SIPA1L2: variants seen among roughly 807,000 people sequenced by gnomAD.
SIPA1L2 encodes signal induced proliferation associated 1 like 2.
A neutral mutation model predicts 163.9 loss-of-function variants in SIPA1L2; 56 were observed. The observed-to-expected ratio is 0.34, with a 90% CI of 0.28 to 0.43. The LOEUF is 0.43. Among genes scored for constraint, SIPA1L2 ranks in the 20% least tolerant of loss-of-function variants. The pLI is 1.00. For missense variants in SIPA1L2, 1,974 were observed against 2,193.5 expected (o/e 0.90, Z 2.00); for synonymous variants, 877 against 865.7 (o/e 1.01, Z -0.23).
intron 3 of SIPA1L2, among the ~76,000 whole-genome samples, chr1:232,505,622 A>G (rs1666692043): frequency 2.0e-5 from 3 of 152,068 alleles, no homozygotes. Context: ...CAGATACGGC[A>G]CCTCTGCAAG....
At chr1:232,494,991 T>C (rs1450886537) in intron 3 of SIPA1L2, among the ~76,000 whole-genome samples, 1 of 152,112 alleles carries the variant, frequency 6.6e-6, no homozygotes, top group Non-Finnish European at 1.5e-5. Context: ...AACCTATAGG[T>C]ATTCCAAAGG....
At chr1:232,622,589 G>A (rs1355082124) in intron 1 of SIPA1L2, among the ~76,000 whole-genome samples, 1 of 152,338 alleles carries the variant, frequency 6.6e-6, no homozygotes, top group Middle Eastern at 3.4e-3. Context: ...TGGGAAAGGT[G>A]TGAATCATAC....
chr1:232,625,114 A>G (rs1279416163), intron 1 of SIPA1L2, among the ~76,000 whole-genome samples: 1 of 152,104 alleles, frequency 6.6e-6, no homozygotes, highest in African/African-American at 2.4e-5. Flanking sequence ...TAGAACCAGC[A>G]AAGGAGGTTT....
chr1:232,566,998 C>G (rs1466925605), intron 2 of SIPA1L2, among the ~76,000 whole-genome samples: 3 of 152,162 alleles, frequency 2.0e-5, no homozygotes, highest in Non-Finnish European at 4.4e-5. Flanking sequence ...TAACTGCCTA[C>G]AGAAGCAAAA....
At chr1:232,586,210 A>G (rs1573127503) in intron 1 of SIPA1L2, among the ~76,000 whole-genome samples, 1 of 152,138 alleles carries the variant, frequency 6.6e-6, no homozygotes, top group Non-Finnish European at 1.5e-5. Context: ...CTGTACTCTG[A>G]TATTTTCTCA....
intron 10 of SIPA1L2, among the ~76,000 whole-genome samples, chr1:232,449,091 C>T (rs1438584180): frequency 1.3e-5 from 2 of 151,968 alleles, no homozygotes; most frequent in Non-Finnish European, 2.9e-5. Flanking sequence ...AATCACTCTG[C>T]AGTGAAGCTC....
intron 8 of SIPA1L2, among the ~76,000 whole-genome samples, chr1:232,468,013 A>G (rs1664612320): frequency 6.6e-6 from 1 of 152,226 alleles, no homozygotes; most frequent in Admixed American, 6.5e-5. Flanking sequence ...GTATTCTTGC[A>G]CATCTCAAAG....
chr1:232,447,283 T>G (rs1012596692), intron 10 of SIPA1L2, among the ~76,000 whole-genome samples: 6 of 152,224 alleles, frequency 3.9e-5, no homozygotes, highest in African/African-American at 1.4e-4. Context: ...GATAAAATCT[T>G]TCTATTGGAC....
intron 1 of SIPA1L2, among the ~76,000 whole-genome samples, chr1:232,583,973 C>T (rs543892786): frequency 1.9e-4 from 29 of 151,376 alleles, no homozygotes; most frequent in Middle Eastern, 3.4e-3. Flanking sequence ...ACTAGAATCC[C>T]TTTTGCCCAA....
At chr1:232,431,889 T>C (rs549945910) in intron 16 of SIPA1L2, among the ~76,000 whole-genome samples, 2 of 152,222 alleles carry the variant, frequency 1.3e-5, no homozygotes, top group African/African-American at 2.4e-5. Context: ...GGATGTCACT[T>C]ACACGGCAAC....
intron 20 of SIPA1L2, among the ~76,000 whole-genome samples, chr1:232,403,795 T>G (rs1266674562): frequency 6.6e-6 from 1 of 152,176 alleles, no homozygotes; most frequent in African/African-American, 2.4e-5. Context: ...CCTATGCACA[T>G]CACAGCCATG....
At chr1:232,626,851 A>T (rs573546365) in intron 1 of SIPA1L2, among the ~76,000 whole-genome samples, 1 of 152,338 alleles carries the variant, frequency 6.6e-6, no homozygotes, top group South Asian at 2.1e-4. Context: ...GCTGAAAGGG[A>T]TCATGAAAAT....
chr1:232,599,189 T>A (rs757691180), intron 1 of SIPA1L2, among the ~76,000 whole-genome samples: 1 of 152,106 alleles, frequency 6.6e-6, no homozygotes, highest in Admixed American at 6.5e-5. Context: ...GGGTTCTGGA[T>A]TCAGATTACA....
chr1:232,541,854 T>TAAAAAAAAAAAAA (rs10585668), intron 2 of SIPA1L2, among the ~76,000 whole-genome samples: 1 of 135,678 alleles, frequency 7.4e-6, no homozygotes. Context: ...CCTACAGATT[T>TAAAAAAAAAAAAA]AAAAAAAAAA....
At position 232,514,694 on chromosome 1, in the gene SIPA1L2, G is replaced by T; in HGVS notation, c.646C>A (p.Arg216=). 1 of 1,614,112 alleles carries T rather than the reference G, an allele frequency of 6.2e-7. No individual in the cohort carries two copies. Among genetic ancestry groups the T allele is most frequent in the Non-Finnish European group, 8.5e-7 (1 of 1,180,024 alleles). ...GCTTTGTGGTCATAATTTTCTACTC[G>T]GTACCCTCTGAGCATAGCAAAAAAG... ...ENFFAMLRGY[R]VENYDHKAMV... The change falls in exon 3 of 23, where the codon CGA becomes AGA. Residue 216 remains arginine (R), a synonymous_variant. Coordinates refer to ENST00000674635, the MANE Select transcript of SIPA1L2 (RefSeq NM_020808.5).
At chr1:232,486,534 CA>C (rs1665657220) in intron 5 of SIPA1L2, among the ~76,000 whole-genome samples, 1 of 152,154 alleles carries the variant, frequency 6.6e-6, no homozygotes, top group African/African-American at 2.4e-5. Flanking sequence ...ACTCTGGCTC[CA>C]AAGAAAACAC....
intron 19 of SIPA1L2, among the ~76,000 whole-genome samples, chr1:232,413,878 C>T (rs112608890): frequency 2.6e-4 from 40 of 152,246 alleles, no homozygotes; most frequent in African/African-American, 9.4e-4. Flanking sequence ...GAGTGAGAGA[C>T]TGTAGTGTGT....
At chr1:232,585,585 AG>A (rs1660613512) in intron 1 of SIPA1L2, among the ~76,000 whole-genome samples, 1 of 152,200 alleles carries the variant, frequency 6.6e-6, no homozygotes, top group Non-Finnish European at 1.5e-5. Context: ...TCCTACTCCA[AG>A]GAACAGCTTG....
chr1:232,627,714 T>C (rs151301474), intron 1 of SIPA1L2, among the ~76,000 whole-genome samples: 178 of 152,316 alleles, frequency 1.2e-3, no homozygotes, highest in Non-Finnish European at 2.0e-3. Flanking sequence ...AAACATATAC[T>C]TAAAGCAACT....
Sources: gnomAD v4.1 joint callset for allele counts (sites outside exome capture counted in the v4.1 genomes callset) on GRCh38, gnomAD v4.1.1 for gene constraint, MANE v1.5 for transcripts, NCBI Gene and HGNC (gene_info 2026-07-23, HGNC 2026-07-21) for gene names.